The following STS variants were observed in gnomAD, a reference collection of about 807,000 sequenced individuals.
STS encodes steryl-sulfatase.
A neutral mutation model predicts 26.8 loss-of-function variants in STS; 7 were observed. The observed-to-expected ratio is 0.26, with a 90% CI of 0.15 to 0.49. The LOEUF is 0.49. Ranked by LOEUF, STS falls within the 20% of genes least tolerant of loss-of-function variation. The probability of loss-of-function intolerance (pLI) is 0.98; values close to 1 mark genes in which losing one functional copy is unlikely to be tolerated. For synonymous variants in STS, 199 were observed against 189.4 expected, an observed-to-expected ratio of 1.05 and a Z score of -0.42; for missense variants, 434 against 465.6, an observed-to-expected ratio of 0.93 and a Z score of 0.63.
upstream of STS, among the ~76,000 whole-genome samples, chrX:7,147,354 G>A (rs1482773940): frequency 9.0e-6 from 1 of 111,477 alleles, no homozygotes; most frequent in African/African-American, 3.3e-5. Flanking sequence ...TGTTGACGGC[G>A]CGGGATAATT....
Position 7,279,329 on chromosome X carries a change from GTGTGTGTGTA to G in STS, c.943+3252_943+3261del, listed in dbSNP as rs1317502250. Among the ~76,000 whole-genome samples, 52 of 84,710 alleles carry G rather than the reference GTGTGTGTGTA, an allele frequency of 6.1e-4. No individual in the cohort carries two copies. In the South Asian group the frequency reaches 6.6e-3, roughly 11 times the overall value. The allele number at this position is 84,710 out of a possible 115,157, so 73.6% of individuals were successfully genotyped here. On this transcript the variant is annotated intron_variant, in intron 7 of 10. Coordinates refer to ENST00000674429, the MANE Select transcript of STS (RefSeq NM_001320752.2). ...TATATATATGTGTGTGTGTGTGTGTGTGTGTGTGTATGTGTGTGTGTGTGTGTGTATATGT... is the reference window on the plus strand; with the variant it reads ...TATATATATGTGTGTGTGTGTGTGTGTGTGTGTGTGTGTGTGTGTATATGT...
intron 6 of STS, among the ~76,000 whole-genome samples, chrX:7,270,089 G>A (rs1382337056): frequency 8.9e-6 from 1 of 112,005 alleles, no homozygotes; most frequent in Non-Finnish European, 1.9e-5. Context: ...AAAGGCTCAG[G>A]GCTGTCTTCT....
intron 6 of STS, among the ~76,000 whole-genome samples, chrX:7,264,922 G>A (rs1213629792): frequency 9.0e-5 from 10 of 110,874 alleles, no homozygotes; most frequent in Non-Finnish European, 1.5e-4. Context: ...TCATCATCTA[G>A]TAAGGTGCAC....
chrX:7,192,028 T>C (rs1933883408), intron 2 of STS, among the ~76,000 whole-genome samples: 1 of 112,567 alleles, frequency 8.9e-6, no homozygotes, highest in African/African-American at 3.2e-5. Flanking sequence ...GGCACTATGC[T>C]ATCAGAACAC....
intron 2 of STS, among the ~76,000 whole-genome samples, chrX:7,199,279 A>T (rs1934026177): frequency 9.0e-6 from 1 of 111,648 alleles, no homozygotes; most frequent in Non-Finnish European, 1.9e-5. Flanking sequence ...AGAGTAATGA[A>T]GTGTCCAAAA....
At chrX:7,224,639 C>T (rs1361914039) in intron 2 of STS, among the ~76,000 whole-genome samples, 1 of 111,814 alleles carries the variant, frequency 8.9e-6, no homozygotes, top group African/African-American at 3.3e-5. Flanking sequence ...ACAGAATCTG[C>T]AATACCTTAG....
intron 7 of STS, among the ~76,000 whole-genome samples, chrX:7,286,161 A>G (rs1311186998): frequency 7.1e-5 from 8 of 111,961 alleles, no homozygotes; most frequent in Non-Finnish European, 1.3e-4. Context: ...GTGTTTACAC[A>G]TGATATTTTA....
chrX:7,231,042 G>T (rs1447712086), intron 2 of STS, among the ~76,000 whole-genome samples: 1 of 111,982 alleles, frequency 8.9e-6, no homozygotes, highest in Non-Finnish European at 1.9e-5. Flanking sequence ...TTGAAAACAG[G>T]TGTGAATGCT....
At chrX:7,271,922 C>G (rs1190240646) in intron 6 of STS, among the ~76,000 whole-genome samples, 2 of 110,047 alleles carry the variant, frequency 1.8e-5, no homozygotes, top group African/African-American at 3.3e-5. Context: ...TGGCTTAGCT[C>G]TAACCCAAAG....
At chrX:7,212,830 A>G (rs1569190939) in intron 2 of STS, among the ~76,000 whole-genome samples, 1 of 112,342 alleles carries the variant, frequency 8.9e-6, no homozygotes, top group Non-Finnish European at 1.9e-5. Context: ...CTGTGTGTCT[A>G]CAAATGCAGT....
chrX:7,247,211 T>C (rs1334868825), intron 2 of STS, among the ~76,000 whole-genome samples: 2 of 112,268 alleles, frequency 1.8e-5, no homozygotes, highest in African/African-American at 3.2e-5. Context: ...AAAAACTCTT[T>C]TGCCCTATTT....
At chrX:7,285,743 C>T (rs1925099389) in intron 7 of STS, among the ~76,000 whole-genome samples, 2 of 111,917 alleles carry the variant, frequency 1.8e-5, no homozygotes. Flanking sequence ...ATTACACATA[C>T]CACATTATAC....
chrX:7,343,252 T>C (rs1395603212), intron 10 of STS, among the ~76,000 whole-genome samples: 2 of 112,194 alleles, frequency 1.8e-5, no homozygotes, highest in Non-Finnish European at 3.8e-5. Context: ...ATCTGAGTGA[T>C]ACATTAAGAG....
chrX:7,190,050 G>C (rs1933844347), intron 1 of STS, among the ~76,000 whole-genome samples: 1 of 110,832 alleles, frequency 9.0e-6, no homozygotes, highest in African/African-American at 3.3e-5. Flanking sequence ...TGGACAGGGA[G>C]GGGGATGGTT....
intron 9 of STS, among the ~76,000 whole-genome samples, chrX:7,329,957 A>ATAATTCTC (rs1287343976): frequency 8.9e-6 from 1 of 111,916 alleles, no homozygotes; most frequent in Non-Finnish European, 1.9e-5. Context: ...TGCAGTGAGA[A>ATAATTCTC]TAATTCTCTA....
Position 7,148,096 on chromosome X carries a change from C to T in STS, c.-134+13C>T. 8.8e-7 allele frequency: 1 copy of T among 1,131,106 alleles called. No individual in the cohort carries two copies. Among genetic ancestry groups the T allele is most frequent in the East Asian group, 3.7e-5 (1 of 26,833 alleles). The allele number at this position is 1,131,106 out of a possible 1,213,427, so 93.2% of individuals were successfully genotyped here. ...TGTCAAAGATGAGGTGGGTGACGGG[C>T]TGCGGGGGCGCCGCCATGGTGGCGC... On this transcript the variant is annotated intron_variant, in intron 1 of 10. Transcript: ENST00000674429.
chrX:7,246,424 C>G (rs1205537334), intron 2 of STS, among the ~76,000 whole-genome samples: 2 of 109,976 alleles, frequency 1.8e-5, no homozygotes, highest in Non-Finnish European at 3.8e-5. Flanking sequence ...GCCTCAGCCT[C>G]CCGAGTAGCT....
At chrX:7,334,403 C>G (rs1927914634) in intron 10 of STS, among the ~76,000 whole-genome samples, 2 of 111,632 alleles carry the variant, frequency 1.8e-5, no homozygotes. Context: ...GGCGCTGTGG[C>G]CGGTTGCTTT....
At chrX:7,235,050 T>C (rs947788773) in intron 2 of STS, among the ~76,000 whole-genome samples, 11 of 111,867 alleles carry the variant, frequency 9.8e-5, no homozygotes, top group Non-Finnish European at 2.1e-4. Flanking sequence ...AGGACCGCTA[T>C]GGGACACAGT....
Sources: allele counts gnomAD v4.1 joint callset (sites outside exome capture counted in the v4.1 genomes callset), GRCh38; gene constraint gnomAD v4.1.1; transcripts MANE v1.5; gene names NCBI Gene and HGNC (gene_info 2026-07-23, HGNC 2026-07-21).